The following ADAM12 variants were observed in gnomAD, a reference collection of about 807,000 sequenced individuals.
ADAM12 encodes the protein disintegrin and metalloproteinase domain-containing protein 12.
In ADAM12, 70 loss-of-function variants were observed where a neutral mutation model predicts 106.4. That is an observed-to-expected ratio of 0.66 (90% CI 0.54 to 0.80). ADAM12 has a LOEUF of 0.80. Ranked by LOEUF, ADAM12 falls within the 30% of genes least tolerant of loss-of-function variation. The pLI is 0.00. For missense variants in ADAM12, 1,010 were observed against 1,171.9 expected, an observed-to-expected ratio of 0.86 and a Z score of 2.02; for synonymous variants, 420 against 433.5, an observed-to-expected ratio of 0.97 and a Z score of 0.39.
rs559117613 is a variant in ADAM12 at position 126,064,698 on chromosome 10, A to G, written c.1609+108T>C. On this transcript the variant is annotated intron_variant, in intron 14 of 22. Transcript: ENST00000448723. The surrounding 1 kb of genome is among the most constrained non-coding windows in gnomAD (Gnocchi z 4.4). Reference sequence around the variant, plus strand: ...TGAACACACCGGATGCTGTGTGGACAGCGCCCGCCAGGAGTGGGGGCTAAC... The same window carrying G: ...TGAACACACCGGATGCTGTGTGGACGGCGCCCGCCAGGAGTGGGGGCTAAC... The G allele has an allele frequency of 7.4e-5, 88 of 1,193,610 alleles. No individual in the cohort carries two copies. Among genetic ancestry groups the G allele is most frequent in the Middle Eastern group, 2.8e-4 (1 of 3,532 alleles). The allele number at this position is 1,193,610 out of a possible 1,614,324, so 73.9% of individuals were successfully genotyped here.
intron 11 of ADAM12, among the ~76,000 whole-genome samples, chr10:126,086,737 C>A (rs1955364904): frequency 8.5e-6 from 1 of 118,214 alleles, no homozygotes; most frequent in African/African-American, 3.4e-5. Flanking sequence ...ATGACCATCT[C>A]ACTAAGTTCA....
chr10:126,166,996 T>A (rs1957036812), intron 3 of ADAM12, among the ~76,000 whole-genome samples: 1 of 152,230 alleles, frequency 6.6e-6, no homozygotes, highest in South Asian at 2.1e-4. Context: ...TTACGTTGCA[T>A]TCTTCAAACG....
chr10:126,283,748 T>G (rs1237255818), intron 2 of ADAM12, among the ~76,000 whole-genome samples: 1 of 152,232 alleles, frequency 6.6e-6, no homozygotes, highest in East Asian at 1.9e-4. Context: ...AAATATCTTC[T>G]CCCAGTTTGG....
chr10:126,094,180 G>T, intron 10 of ADAM12, 47 bp from the exon 11 acceptor site: 1 of 1,570,240 alleles, frequency 6.4e-7, no homozygotes, highest in Non-Finnish European at 8.7e-7. Flanking sequence ...TATCTCCTTG[G>T]CCTTATTTCC....
chr10:126,039,515 G>T, intron 18 of ADAM12, 86 bp from the exon 19 acceptor site: 1 of 1,519,090 alleles, frequency 6.6e-7, no homozygotes. Flanking sequence ...ATGGCAAAGT[G>T]AACTCTGAAG....
intron 3 of ADAM12, among the ~76,000 whole-genome samples, chr10:126,227,683 G>A (rs78135892): frequency 0.025 from 3,730 of 152,214 alleles, 100 homozygotes; most frequent in East Asian, 0.1. Context: ...GGAAGGCACC[G>A]TGTCTCAGCA....
intron 2 of ADAM12, among the ~76,000 whole-genome samples, chr10:126,294,094 T>C (rs1960269593): frequency 6.6e-6 from 1 of 152,212 alleles, no homozygotes; most frequent in African/African-American, 2.4e-5. Flanking sequence ...GGATCAACTG[T>C]ATTAATGCCT....
chr10:126,107,356 T>C (rs1035912112), intron 8 of ADAM12, among the ~76,000 whole-genome samples: 43 of 152,192 alleles, frequency 2.8e-4, no homozygotes, highest in African/African-American at 1.0e-3. Flanking sequence ...GTTGCATGTC[T>C]GCTTCCCTAC....
intron 3 of ADAM12, among the ~76,000 whole-genome samples, chr10:126,187,378 T>C (rs1198842721): frequency 6.6e-6 from 1 of 152,166 alleles, no homozygotes; most frequent in African/African-American, 2.4e-5. Flanking sequence ...GGCTTTTTGC[T>C]GCTGGGGGCA....
In ADAM12 at chr10:126,043,342, G is replaced by A. The variant is rs1590326814; in HGVS notation, c.1996-194C>T. Among the ~76,000 whole-genome samples the A allele has an allele frequency of 6.6e-6, 1 of 152,298 alleles. No homozygotes were observed. The highest frequency in any genetic ancestry group is 1.9e-4 in the East Asian group (1 of 5,168). ...GGGCGACCAAACCTGAGGCTGTGAA[G>A]ATGCATCATCTGCCTATTAGTGGCT... On this transcript the variant is annotated intron_variant, in intron 17 of 22. Transcript: ENST00000448723. This position sits in a 1 kb window ranked among gnomAD's most constrained non-coding sequence, Gnocchi z 4.1.
chr10:126,387,891 G>GT (rs1197755204), intron 1 of ADAM12, among the ~76,000 whole-genome samples, 167 bp downstream of exon 1: 6 of 99,400 alleles, frequency 6.0e-5, no homozygotes, highest in Non-Finnish European at 1.3e-4. Flanking sequence ...TTGGCACCTG[G>GT]GGGGGGGGGG....
At chr10:126,387,108 TAG>T (rs1434993119) in intron 1 of ADAM12, among the ~76,000 whole-genome samples, 1 of 152,192 alleles carries the variant, frequency 6.6e-6, no homozygotes, top group Middle Eastern at 3.2e-3. Flanking sequence ...GCCTGTTATA[TAG>T]AATCACAGAA....
At chr10:126,039,521 T>C (rs1469183310) in intron 18 of ADAM12, 92 bp from the exon 19 acceptor site, 1 of 1,491,970 alleles carries the variant, frequency 6.7e-7, no homozygotes, top group Non-Finnish European at 9.3e-7. Flanking sequence ...AAGTGAACTC[T>C]GAAGCAACAG....
At chr10:126,368,151 A>G (rs1016503390) in intron 1 of ADAM12, among the ~76,000 whole-genome samples, 2 of 151,910 alleles carry the variant, frequency 1.3e-5, no homozygotes, top group Non-Finnish European at 2.9e-5. Context: ...GTGTATGTGT[A>G]TATATAATAT....
At chr10:126,247,226 T>C (rs4447083) in intron 3 of ADAM12, among the ~76,000 whole-genome samples, 26,146 of 152,186 alleles carry the variant, frequency 0.17, 2,285 homozygotes, top group South Asian at 0.21. Flanking sequence ...GCTAGAAAAT[T>C]GAAGGAGAAT....
chr10:126,131,649 G>A (rs888585987), intron 5 of ADAM12, among the ~76,000 whole-genome samples: 2 of 152,128 alleles, frequency 1.3e-5, no homozygotes, highest in African/African-American at 4.8e-5. Flanking sequence ...CACACAGCAA[G>A]CTAATGACTG....
intron 5 of ADAM12, among the ~76,000 whole-genome samples, chr10:126,127,352 A>G (rs2133652618): frequency 6.6e-6 from 1 of 152,360 alleles, no homozygotes; most frequent in African/African-American, 2.4e-5. Flanking sequence ...TTCCTCCTTC[A>G]TATGTTCTAC....
chr10:126,243,489 ATGTGTG>A (rs57227903), intron 3 of ADAM12, among the ~76,000 whole-genome samples: 2 of 146,842 alleles, frequency 1.4e-5, no homozygotes, highest in Non-Finnish European at 3.0e-5. Context: ...GTGTGAGTGT[ATGTGTG>A]TGTGTGTGTG....
In ADAM12 at chr10:126,101,174, C is replaced by T; in HGVS notation, c.809G>A (p.Cys270Tyr). ...GGTGAATGGGTCCTGACTTACAGAG[C>T]ATTTGTCCATGTCATTCCACACTTC... is the stretch of plus-strand genomic sequence containing the variant. ...GVEVWNDMDK[C>Y]SVSQDPFTSL... Residue 270 changes from cysteine (C) to tyrosine (Y), a missense_variant, in exon 9 of 23, where the codon TGC becomes TAC. By Grantham distance (194) the Cys-to-Tyr change is radical. Around this residue, in one of 3 missense-constraint regions of ADAM12, gnomAD observed 391 missense variants for 442.9 expected, o/e 0.88. Transcript: ENST00000448723. 2 of 1,614,128 alleles carry T rather than the reference C, an allele frequency of 1.2e-6. No homozygotes were observed. Among genetic ancestry groups the T allele is most frequent in the Non-Finnish European group, 1.7e-6 (2 of 1,180,008 alleles).
Sources: allele counts gnomAD v4.1 joint callset (sites outside exome capture counted in the v4.1 genomes callset), GRCh38; gene constraint gnomAD v4.1.1; regional missense constraint gnomAD v4.1.1; non-coding constraint Gnocchi (gnomAD v3.1); transcripts MANE v1.5; gene names NCBI Gene and HGNC (gene_info 2026-07-23, HGNC 2026-07-21).